Variants in BANK1 observed in about 807,000 individuals in gnomAD.
The protein encoded by BANK1 is B-cell scaffold protein with ankyrin repeats.
In BANK1, 95 loss-of-function variants were observed where a neutral mutation model predicts 94.5. The ratio of observed to expected loss-of-function variants is 1.00; its 90% confidence interval spans 0.85 to 1.19. BANK1 has a LOEUF of 1.19. Ranked by LOEUF, BANK1 falls within the 50% of genes most tolerant of loss-of-function variation. The pLI is 0.00. For missense variants in BANK1, 987 were observed against 932.2 expected (o/e 1.06, Z -0.77); for synonymous variants, 334 against 308.4 (o/e 1.08, Z -0.87).
intron 7 of BANK1, among the ~76,000 whole-genome samples, chr4:102,019,481 A>G (rs560195409): frequency 1.3e-5 from 2 of 152,328 alleles, no homozygotes; most frequent in Admixed American, 6.5e-5. Flanking sequence ...AGATATTACT[A>G]TCCACATTTT....
At chr4:102,019,542 C>T (rs1407765662) in intron 7 of BANK1, among the ~76,000 whole-genome samples, 1 of 152,182 alleles carries the variant, frequency 6.6e-6, no homozygotes, top group African/African-American at 2.4e-5. Context: ...TAATGTCACA[C>T]AGCTAATATA....
chr4:101,928,453 C>T (rs1303188585), intron 7 of BANK1, among the ~76,000 whole-genome samples: 1 of 151,586 alleles, frequency 6.6e-6, no homozygotes, highest in Admixed American at 6.6e-5. Context: ...ACATTAAGGT[C>T]CATTCATAGT....
Position 101,849,904 on chromosome 4 carries a change from C to A in BANK1, c.470-5131C>A, listed in dbSNP as rs139959673. On this transcript the variant is annotated intron_variant, in intron 2 of 16. Coordinates refer to ENST00000322953, the MANE Select transcript of BANK1 (RefSeq NM_017935.5). Reference sequence around the variant, plus strand: ...TTAATTCTATCTGCTTTTTAGTTTTCTATGTCTGTTTGATACAAAATACTA... The same window carrying A: ...TTAATTCTATCTGCTTTTTAGTTTTATATGTCTGTTTGATACAAAATACTA... Among the ~76,000 whole-genome samples the A allele has an allele frequency of 3.0e-3, 461 of 152,120 alleles. 3 individuals carry two copies. Among genetic ancestry groups the A allele is most frequent in the African/African-American group, 0.01 (435 of 41,486 alleles).
intron 4 of BANK1, among the ~76,000 whole-genome samples, chr4:101,869,049 T>G (rs569350622): frequency 6.6e-6 from 1 of 151,940 alleles, no homozygotes; most frequent in East Asian, 1.9e-4. Flanking sequence ...TCATGTTAGA[T>G]TAAAAATATA....
At chr4:102,072,500 T>G in intron 15 of BANK1, 100 bp downstream of exon 15, 1 of 873,744 alleles carries the variant, frequency 1.1e-6, no homozygotes, top group Non-Finnish European at 1.8e-6. Flanking sequence ...TTAGACATTC[T>G]AACAGATATG....
At chr4:101,934,101 A>G (rs1004139278) in intron 7 of BANK1, among the ~76,000 whole-genome samples, 2 of 151,520 alleles carry the variant, frequency 1.3e-5, no homozygotes, top group Admixed American at 6.6e-5. Context: ...GGGTAAAGCT[A>G]TTAAGCACAT....
At position 102,043,837 on chromosome 4, in the gene BANK1, A is replaced by G; in HGVS notation, c.1901-2A>G. 1 of 1,593,836 alleles carries G rather than the reference A, an allele frequency of 6.3e-7. No homozygotes were observed. The highest frequency in any genetic ancestry group is 1.3e-5 in the African/African-American group (1 of 74,520). Reference sequence around the variant, plus strand: ...AAATAATATGTTCTATACTTTTTACAGTGTTTCAACAAAAGACAGCCAGAA... The same window carrying G: ...AAATAATATGTTCTATACTTTTTACGGTGTTTCAACAAAAGACAGCCAGAA... On this transcript the variant is annotated splice_acceptor_variant, in intron 10 of 16. Coordinates refer to ENST00000322953, the MANE Select transcript of BANK1 (RefSeq NM_017935.5). LOFTEE classifies it high-confidence loss of function.
intron 7 of BANK1, among the ~76,000 whole-genome samples, chr4:102,003,228 C>CTA (rs1157652858): frequency 6.6e-6 from 1 of 152,064 alleles, no homozygotes; most frequent in African/African-American, 2.4e-5. Flanking sequence ...ATTGCCCAGG[C>CTA]TATATATTGT....
At position 101,920,667 on chromosome 4, in the gene BANK1, T is replaced by C. The variant is rs1722973348; in HGVS notation, c.1206+2478T>C. 1.3e-5 allele frequency among the ~76,000 whole-genome samples: 2 copies of C among 151,954 alleles called. 1 individual carries two copies. Among genetic ancestry groups the C allele is most frequent in the East Asian group, 3.9e-4 (2 of 5,156 alleles). On this transcript the variant is annotated intron_variant, in intron 7 of 16. Transcript: ENST00000322953. ...TACACTTCTACTGAAGAAATATCTA[T>C]TTTTAAATTCCAACATATTTTGCTC...
At chr4:101,892,237 A>G (rs1307064858) in intron 5 of BANK1, among the ~76,000 whole-genome samples, 1 of 150,976 alleles carries the variant, frequency 6.6e-6, no homozygotes, top group Non-Finnish European at 1.5e-5. Context: ...AATAGTTATA[A>G]TAATAAAGTT....
chr4:101,940,601 G>A (rs554828030), intron 7 of BANK1, among the ~76,000 whole-genome samples: 1 of 151,686 alleles, frequency 6.6e-6, no homozygotes, highest in East Asian at 2.0e-4. Flanking sequence ...GACTTTCCTT[G>A]TGTTTGATGA....
At chr4:101,801,121 C>T (rs990341474) in intron 1 of BANK1, among the ~76,000 whole-genome samples, 5 of 152,146 alleles carry the variant, frequency 3.3e-5, no homozygotes, top group Non-Finnish European at 7.4e-5. Flanking sequence ...ACTGTACCCT[C>T]TAGACATGTG....
intron 13 of BANK1, 62 bp from the exon 14 acceptor site, chr4:102,071,213 G>C (rs920458177): frequency 7.8e-6 from 12 of 1,534,418 alleles, no homozygotes; most frequent in Non-Finnish European, 9.9e-6. Flanking sequence ...AAAAATAAGA[G>C]AGAGAATTTA....
intron 5 of BANK1, among the ~76,000 whole-genome samples, chr4:101,875,991 G>C (rs2148883318): frequency 6.6e-6 from 1 of 152,202 alleles, no homozygotes; most frequent in East Asian, 1.9e-4. Flanking sequence ...CTCCAAAAGA[G>C]ACCCCTTCCC....
intron 1 of BANK1, among the ~76,000 whole-genome samples, chr4:101,825,287 A>G (rs1726320988): frequency 6.6e-6 from 1 of 152,094 alleles, no homozygotes. Flanking sequence ...AATGGGGAGA[A>G]TTACTTAGGG....
intron 7 of BANK1, among the ~76,000 whole-genome samples, chr4:101,973,768 A>C (rs1725033078): frequency 6.6e-6 from 1 of 152,092 alleles, no homozygotes; most frequent in Non-Finnish European, 1.5e-5. Flanking sequence ...TGGAAACAAA[A>C]GTAATATTAT....
At position 102,052,845 on chromosome 4, in the gene BANK1, A is replaced by G. The variant is rs1474105393; in HGVS notation, c.1970-7366A>G. On this transcript the variant is annotated intron_variant, in intron 11 of 16. Transcript: ENST00000322953. ...TCATAAACAAATGGAAAATATGGAG[A>G]GGAAATAGCAGCAGAAATTTGAGGT... is the stretch of plus-strand genomic sequence containing the variant. Among the ~76,000 whole-genome samples the G allele has an allele frequency of 2.6e-5, 4 of 152,202 alleles. No homozygotes were observed. In the East Asian group the frequency reaches 7.7e-4, roughly 29 times the overall value.
intron 7 of BANK1, among the ~76,000 whole-genome samples, chr4:101,930,610 T>G (rs1405362304): frequency 1.3e-5 from 2 of 151,512 alleles, no homozygotes; most frequent in African/African-American, 2.4e-5. Flanking sequence ...AGCAAAAAAT[T>G]TTATAGTACT....
At chr4:102,027,683 A>C (rs531827530) in intron 9 of BANK1, among the ~76,000 whole-genome samples, 1 of 151,478 alleles carries the variant, frequency 6.6e-6, no homozygotes, top group Admixed American at 6.6e-5. Context: ...AAAAAAAAAA[A>C]AGCCTTCTCC....
Sources: allele counts gnomAD v4.1 joint callset (sites outside exome capture counted in the v4.1 genomes callset), GRCh38; gene constraint gnomAD v4.1.1; transcripts MANE v1.5; gene names NCBI Gene and HGNC (gene_info 2026-07-23, HGNC 2026-07-21).